AGAP6: variants seen among roughly 807,000 people sequenced by gnomAD.
AGAP6 encodes the protein ArfGAP with GTPase domain, ankyrin repeat and PH domain 6.
A neutral mutation model predicts 63.9 loss-of-function variants in AGAP6; 29 were observed. The ratio of observed to expected loss-of-function variants is 0.45; its 90% CI spans 0.34 to 0.62. AGAP6 has a LOEUF of 0.62. Ranked by LOEUF, AGAP6 falls within the 20% of genes least tolerant of loss-of-function variation. The pLI is 0.01. For missense variants in AGAP6, 493 were observed against 884.9 expected, an observed-to-expected ratio of 0.56 and a Z score of 5.62; for synonymous variants, 199 against 332.9, an observed-to-expected ratio of 0.60 and a Z score of 4.38.
chr10:49,990,194 T>G (rs1841213432), intron 2 of AGAP6, among the ~76,000 whole-genome samples: 1 of 152,178 alleles, frequency 6.6e-6, no homozygotes, highest in East Asian at 1.9e-4. Context: ...ATCCCAGCAC[T>G]TTGGGAGGCT....
intron 6 of AGAP6, among the ~76,000 whole-genome samples, chr10:50,005,966 A>T (rs1841901775): frequency 1.3e-5 from 2 of 149,702 alleles, no homozygotes; most frequent in African/African-American, 2.4e-5. Flanking sequence ...TCATGCAAAT[A>T]TGTAGTTGGT....
At chr10:49,997,979 G>C (rs1222394066) in intron 4 of AGAP6, among the ~76,000 whole-genome samples, 1 of 111,324 alleles carries the variant, frequency 9.0e-6, no homozygotes, top group African/African-American at 3.4e-5. Context: ...TTATGGCTGA[G>C]GTGGAATTCC....
intron 4 of AGAP6, among the ~76,000 whole-genome samples, chr10:49,995,636 C>T (rs1422561350): frequency 1.3e-5 from 2 of 152,104 alleles, no homozygotes; most frequent in African/African-American, 4.8e-5. Flanking sequence ...TGGGCTAACT[C>T]CTTAAAGTCT....
In AGAP6 at chr10:49,988,829, C is replaced by T. The variant is rs574706752; in HGVS notation, c.114C>T (p.Asp38=). ...AGACCTATGAGGCAGGAGCTAGGGA[C>T]AGGATGGCAGGAGCGCCCATGGCTG... The part of the protein sequence containing the change: ...ESETYEAGAR[D]RMAGAPMAAA... The change falls in exon 1 of 8, where the codon GAC becomes GAT. Residue 38 remains aspartate, a synonymous_variant. Coordinates refer to ENST00000412531, the MANE Select transcript of AGAP6 (RefSeq NM_001077665.3). 6.4e-7 allele frequency: 1 copy of T among 1,559,926 alleles called. No individual in the cohort carries two copies. Among genetic ancestry groups the T allele is most frequent in the African/African-American group, 1.4e-5 (1 of 73,838 alleles).
At chr10:50,001,942 C>G in intron 4 of AGAP6, 54 bp from the exon 5 acceptor site, 1 of 1,601,624 alleles carries the variant, frequency 6.2e-7, no homozygotes, top group South Asian at 1.1e-5. Flanking sequence ...GACATTTTAA[C>G]TGAGAAAATA....
rs1165664421 is a variant in AGAP6, at chr10:50,004,788, A to G, written c.533+68A>G. 1.6e-5 allele frequency: 10 copies of G among 625,304 alleles called. No individual in the cohort carries two copies. The East Asian group carries it at 2.5e-4, about 15-fold the overall frequency. The allele number at this position is 625,304 out of a possible 1,614,324, so 38.7% of individuals were successfully genotyped here. ...TTTGCAAGATATCAAGCTCAGTGTT[A>G]GGTCACAGCTCTAGACATCATAAGC... On this transcript the variant is annotated intron_variant, in intron 6 of 7. Transcript: ENST00000412531.
Position 50,008,010 on chromosome 10 carries a change from T to G in AGAP6, c.534-15T>G, listed in dbSNP as rs782084704. 1.9e-6 allele frequency: 3 copies of G among 1,611,822 alleles called. No individual in the cohort carries two copies. In the East Asian group the frequency reaches 6.7e-5, roughly 36 times the overall value. On this transcript the variant is annotated splice_polypyrimidine_tract_variant and intron_variant, in intron 6 of 7. Coordinates refer to ENST00000412531, the MANE Select transcript of AGAP6 (RefSeq NM_001077665.3). ...ATTAACAGTTTTTGAAGTAATGCGC[T>G]TTCTTATTTTATAGAGATGCAGATA...
At chr10:49,998,808 A>G (rs1242977862) in intron 4 of AGAP6, among the ~76,000 whole-genome samples, 1 of 140,226 alleles carries the variant, frequency 7.1e-6, no homozygotes, top group African/African-American at 2.7e-5. Flanking sequence ...TTTTGGCAGT[A>G]TGGTCATTTT....
At chr10:49,989,461 G>A (rs536235053) in intron 2 of AGAP6, 85 bp downstream of exon 2, 15,945 of 1,580,592 alleles carry the variant, frequency 0.01, 102 homozygotes, top group Non-Finnish European at 0.012. Flanking sequence ...CCTTTTCTCA[G>A]TAAAAACTCA....
chr10:49,989,173 C>G (rs1841162078), intron 1 of AGAP6, 135 bp from the exon 2 acceptor site: 1 of 1,459,638 alleles, frequency 6.9e-7, no homozygotes, highest in Non-Finnish European at 9.1e-7. Context: ...TTCTTGCTCT[C>G]TCATCTCATT....
intron 4 of AGAP6, among the ~76,000 whole-genome samples, chr10:49,994,983 AGTG>A (rs1841431748): frequency 6.8e-6 from 1 of 148,062 alleles, no homozygotes; most frequent in South Asian, 2.1e-4. Flanking sequence ...AAAAAAAAAA[AGTG>A]CCTGAAATAT....
chr10:50,004,758 ATTAC>A (rs1841846238), intron 6 of AGAP6, 38 bp downstream of exon 6: 1 of 676,772 alleles, frequency 1.5e-6, no homozygotes, highest in Admixed American at 2.5e-5. Context: ...ATTCTAGCTA[ATTAC>A]TTTGCAAGAT....
At chr10:49,994,597 TGTTTA>T (rs1305539865) in intron 4 of AGAP6, among the ~76,000 whole-genome samples, 168 bp downstream of exon 4, 2 of 152,136 alleles carry the variant, frequency 1.3e-5, no homozygotes, top group South Asian at 2.1e-4. Context: ...TCCAGAAAAG[TGTTTA>T]GTTTAGCGTG....
intron 2 of AGAP6, among the ~76,000 whole-genome samples, chr10:49,991,165 A>G (rs1333724765): frequency 6.6e-6 from 1 of 152,080 alleles, no homozygotes; most frequent in Admixed American, 6.6e-5. Flanking sequence ...TCACATGACT[A>G]TGGAAGACAG....
At chr10:49,997,652 G>A (rs1336719185) in intron 4 of AGAP6, among the ~76,000 whole-genome samples, 2 of 152,066 alleles carry the variant, frequency 1.3e-5, no homozygotes, top group African/African-American at 4.8e-5. Flanking sequence ...TATTTCCATA[G>A]GTTTCTGGGG....
rs1432962197 is a variant in AGAP6, at chr10:49,991,099, G to A, written c.293-577G>A. ...ACTTGGCCCTTTCCAATAGAAATAA[G>A]GCCTGTGTATGTTCTCCCTATGTAT... On this transcript the variant is annotated intron_variant, in intron 2 of 7. Transcript: ENST00000412531. 1.3e-5 allele frequency among the ~76,000 whole-genome samples: 2 copies of A among 152,090 alleles called. 1 individual carries two copies. The highest frequency in any genetic ancestry group is 2.9e-5 in the Non-Finnish European group (2 of 68,032).
Position 50,008,021 on chromosome 10 carries a change from A to T in AGAP6, c.534-4A>T. Reference sequence around the variant, plus strand: ...TTGAAGTAATGCGCTTTCTTATTTTATAGAGATGCAGATAGAACTTTGAGC... The same window carrying T: ...TTGAAGTAATGCGCTTTCTTATTTTTTAGAGATGCAGATAGAACTTTGAGC... On this transcript the variant is annotated splice_polypyrimidine_tract_variant and splice_region_variant and intron_variant, in intron 6 of 7. Transcript: ENST00000412531. 1 of 1,611,942 alleles carries T rather than the reference A, an allele frequency of 6.2e-7. No individual in the cohort carries two copies. The highest frequency in any genetic ancestry group is 8.5e-7 in the Non-Finnish European group (1 of 1,179,838).
chr10:49,997,060 G>A (rs551911762), intron 4 of AGAP6, among the ~76,000 whole-genome samples: 44 of 147,494 alleles, frequency 3.0e-4, no homozygotes, highest in African/African-American at 1.1e-3. Flanking sequence ...TTTAGGACCT[G>A]TGTTTAAATC....
At chr10:49,989,399 T>C in intron 2 of AGAP6, 23 bp downstream of exon 2, 1 of 1,597,390 alleles carries the variant, frequency 6.3e-7, no homozygotes, top group Non-Finnish European at 8.5e-7. Flanking sequence ...TGTCTGTAGC[T>C]CTATTTATTA....
Sources: allele counts gnomAD v4.1 joint callset (sites outside exome capture counted in the v4.1 genomes callset), GRCh38; gene constraint gnomAD v4.1.1; transcripts MANE v1.5; gene names NCBI Gene and HGNC (gene_info 2026-07-23, HGNC 2026-07-21).